The following HOMER2 variants were observed in gnomAD, a reference collection of about 807,000 sequenced individuals.
HOMER2 encodes homer scaffold protein 2, also known as homer protein homolog 2.
A neutral mutation model predicts 47.0 loss-of-function variants in HOMER2; 27 were observed. The observed-to-expected ratio is 0.57, with a 90% confidence interval of 0.42 to 0.79. The LOEUF (loss-of-function observed/expected upper bound fraction) is 0.79. Ranked by LOEUF, HOMER2 falls within the 30% of genes least tolerant of loss-of-function variation. The pLI, the probability that HOMER2 is intolerant of heterozygous loss-of-function variation, is 0.00. For missense variants in HOMER2, 443 were observed against 435.0 expected (o/e 1.02, Z -0.16); for synonymous variants, 161 against 163.8 (o/e 0.98, Z 0.13).
Position 82,892,843 on chromosome 15 carries a change from T to C in HOMER2, c.6-2A>G. On this transcript the variant is annotated splice_acceptor_variant, in intron 1 of 8. Coordinates refer to ENST00000450735, the MANE Select transcript of HOMER2 (RefSeq NM_004839.4). LOFTEE classifies it high-confidence loss of function. ...CGGGTGGTGAAGATGGGCTGTTCTC[T>C]GCAATAAGAGAGTGGGCGTGTGAGT... The C allele has an allele frequency of 1.3e-6, 2 of 1,568,982 alleles. No homozygotes were observed. The highest frequency in any genetic ancestry group is 1.7e-6 in the Non-Finnish European group (2 of 1,149,684).
At chr15:82,918,757 A>G (rs2053655064) in intron 1 of HOMER2, among the ~76,000 whole-genome samples, 1 of 152,194 alleles carries the variant, frequency 6.6e-6, no homozygotes, top group Non-Finnish European at 1.5e-5. Context: ...AGCACACAGC[A>G]GGAACATCTC....
intron 1 of HOMER2, among the ~76,000 whole-genome samples, chr15:82,963,320 G>A (rs2151252344): frequency 6.6e-6 from 1 of 152,048 alleles, no homozygotes; most frequent in South Asian, 2.1e-4. Context: ...AAACACCTAG[G>A]CTCAAGTGAT....
chr15:82,979,646 A>G (rs970433422), intron 1 of HOMER2, among the ~76,000 whole-genome samples: 7 of 152,168 alleles, frequency 4.6e-5, no homozygotes, highest in African/African-American at 1.7e-4. Flanking sequence ...GAGAAAGTTC[A>G]GTCAGAAGCT....
chr15:82,848,424 G>A (rs1344446467), downstream of HOMER2, among the ~76,000 whole-genome samples: 2 of 152,176 alleles, frequency 1.3e-5, no homozygotes, highest in African/African-American at 4.8e-5. Context: ...TGCCACACAC[G>A]GGCAATCTCC....
At chr15:82,942,558 C>T (rs1041994570) in intron 1 of HOMER2, among the ~76,000 whole-genome samples, 8 of 152,290 alleles carry the variant, frequency 5.3e-5, no homozygotes, top group Non-Finnish European at 5.9e-5. Flanking sequence ...CACTGTGTTC[C>T]GAGCACCCAC....
At chr15:82,868,573 G>C (rs1191711032) in intron 3 of HOMER2, among the ~76,000 whole-genome samples, 2 of 65,548 alleles carry the variant, frequency 3.1e-5, no homozygotes, top group East Asian at 4.5e-4. Context: ...TTTTGAGACT[G>C]AATCTTACTG....
chr15:82,892,008 G>T (rs2052725096), intron 2 of HOMER2, among the ~76,000 whole-genome samples: 1 of 151,414 alleles, frequency 6.6e-6, no homozygotes. Context: ...AAGACTTGGT[G>T]ATACTTCTGC....
intron 1 of HOMER2, among the ~76,000 whole-genome samples, chr15:82,960,392 GTGT>G (rs2054620357): frequency 6.6e-6 from 1 of 152,142 alleles, no homozygotes; most frequent in Non-Finnish European, 1.5e-5. Context: ...TGGGAAGTGT[GTGT>G]TGAACAGAGG....
chr15:82,910,465 C>T (rs1157966016), intron 1 of HOMER2, among the ~76,000 whole-genome samples: 4 of 152,152 alleles, frequency 2.6e-5, no homozygotes. Context: ...TAATTTGGAC[C>T]ATACTAGCCA....
At chr15:82,951,972 G>C in intron 1 of HOMER2, 1 of 762,848 alleles carries the variant, frequency 1.3e-6, no homozygotes, top group East Asian at 1.3e-4. Context: ...CTTCCCTCCT[G>C]AGCATCTACT....
chr15:82,945,452 C>T (rs2054354979), intron 1 of HOMER2, among the ~76,000 whole-genome samples: 2 of 152,150 alleles, frequency 1.3e-5, no homozygotes, highest in South Asian at 2.1e-4. Flanking sequence ...AATAGACTTG[C>T]TCTATGTAGA....
At chr15:82,858,272 C>A (rs2051653362) in intron 5 of HOMER2, among the ~76,000 whole-genome samples, 1 of 151,928 alleles carries the variant, frequency 6.6e-6, no homozygotes, top group Admixed American at 6.6e-5. Context: ...ATGCGTTTCT[C>A]AGATGTTCAA....
chr15:82,920,543 G>A (rs767322832), intron 1 of HOMER2, among the ~76,000 whole-genome samples: 1 of 152,132 alleles, frequency 6.6e-6, no homozygotes, highest in Non-Finnish European at 1.5e-5. Context: ...GCGTTCCTTG[G>A]CTCATGGCCT....
rs114078890 is a variant in HOMER2, at chr15:82,869,728, G to A, written c.295-5469C>T. Among the ~76,000 whole-genome samples, 360 of 152,138 alleles carry A rather than the reference G, an allele frequency of 2.4e-3. 4 individuals carry two copies. The highest frequency in any genetic ancestry group is 8.2e-3 in the African/African-American group (342 of 41,518). ...CCGCCTGGGTCTCCCAAAATGCTCC[G>A]ATTACAGGCATGAGCCATCACGCCC... On this transcript the variant is annotated intron_variant, in intron 3 of 8. Transcript: ENST00000450735.
chr15:82,912,045 G>T (rs371242899), intron 1 of HOMER2, among the ~76,000 whole-genome samples: 3 of 151,972 alleles, frequency 2.0e-5, no homozygotes, highest in African/African-American at 2.4e-5. Context: ...ATAAATAAAT[G>T]AATTTAAATT....
chr15:82,907,292 G>A (rs1157088608), intron 1 of HOMER2, among the ~76,000 whole-genome samples: 1 of 152,066 alleles, frequency 6.6e-6, no homozygotes, highest in Non-Finnish European at 1.5e-5. Context: ...AGGAGGCAGA[G>A]GTTGTAGCAA....
At chr15:82,851,340 T>C in intron 7 of HOMER2, 109 bp from the exon 8 acceptor site, 1 of 728,692 alleles carries the variant, frequency 1.4e-6, no homozygotes, top group Non-Finnish European at 2.4e-6. Flanking sequence ...GACCCTGTCC[T>C]GTTTGCATAG....
chr15:82,888,344 TTTTG>T (rs1215348549), intron 2 of HOMER2, among the ~76,000 whole-genome samples: 17 of 214 alleles, frequency 0.079, 1 homozygote, highest in African/African-American at 0.19. Flanking sequence ...ACTGCTGTCT[TTTTG>T]TTTGTCTGTG....
chr15:82,973,431 A>C (rs964745832), intron 1 of HOMER2, among the ~76,000 whole-genome samples: 4 of 152,232 alleles, frequency 2.6e-5, no homozygotes, highest in Non-Finnish European at 5.9e-5. Flanking sequence ...TGTTGTGAGA[A>C]TGAGTAAATA....
Sources: gnomAD v4.1 joint callset for allele counts (sites outside exome capture counted in the v4.1 genomes callset) on GRCh38, gnomAD v4.1.1 for gene constraint, MANE v1.5 for transcripts, NCBI Gene and HGNC (gene_info 2026-07-23, HGNC 2026-07-21) for gene names.